The following PIK3C2G variants were observed in gnomAD, a reference collection of about 807,000 sequenced individuals.
PIK3C2G encodes phosphatidylinositol 3-kinase C2 domain-containing subunit gamma.
In PIK3C2G, 168 loss-of-function variants were observed where a neutral mutation model predicts 181.1. That is an observed-to-expected ratio of 0.93 (90% CI 0.82 to 1.05). PIK3C2G has a LOEUF of 1.05. PIK3C2G is among the 50% of genes least tolerant of loss of function. The probability of loss-of-function intolerance (pLI) is 0.00; values close to 1 mark genes in which losing one functional copy is unlikely to be tolerated. For missense variants in PIK3C2G, 1,869 were observed against 1,732.8 expected (o/e 1.08, Z -1.40); for synonymous variants, 573 against 592.2 (o/e 0.97, Z 0.47).
chr12:18,648,803 C>A (rs1591779626), downstream of PIK3C2G, among the ~76,000 whole-genome samples: 1 of 152,144 alleles, frequency 6.6e-6, no homozygotes, highest in Non-Finnish European at 1.5e-5. Context: ...AACAATCCCA[C>A]AGATTTCCAC....
At chr12:18,657,639 A>T in the PIK3C2G span, among the ~76,000 whole-genome samples, 3 of 152,218 alleles carry the variant, frequency 2.0e-5, no homozygotes, top group Admixed American at 1.3e-4. Flanking sequence ...TACATACTTT[A>T]AAAAATCAGT....
the PIK3C2G span, chr12:18,693,483 C>G: frequency 6.2e-7 from 1 of 1,608,508 alleles, no homozygotes; most frequent in African/African-American, 1.3e-5. Context: ...ACCTTGTTAG[C>G]CAAAGCAGTA....
the PIK3C2G span, among the ~76,000 whole-genome samples, chr12:18,656,739 A>G: frequency 1.3e-4 from 9 of 69,676 alleles, no homozygotes; most frequent in African/African-American, 5.7e-4. Flanking sequence ...TGTCTCAAAC[A>G]ACAGCAACAA....
chr12:18,625,828 T>C (rs891346307), intron 31 of PIK3C2G, among the ~76,000 whole-genome samples: 1 of 151,880 alleles, frequency 6.6e-6, no homozygotes, highest in Admixed American at 6.6e-5. Context: ...CTGATATAAG[T>C]ATTGCTACCC....
At chr12:18,361,154 G>T (rs1054457523) in intron 11 of PIK3C2G, among the ~76,000 whole-genome samples, 1 of 152,010 alleles carries the variant, frequency 6.6e-6, no homozygotes, top group Non-Finnish European at 1.5e-5. Flanking sequence ...CTGTCTTCAA[G>T]TTCACTGATT....
intron 5 of PIK3C2G, among the ~76,000 whole-genome samples, chr12:18,307,656 C>T (rs1305259100): frequency 6.6e-6 from 1 of 151,816 alleles, no homozygotes; most frequent in Non-Finnish European, 1.5e-5. Flanking sequence ...GGTATGGTAA[C>T]CTTTCTTCTT....
intron 14 of PIK3C2G, among the ~76,000 whole-genome samples, chr12:18,382,146 A>G (rs1229738159): frequency 1.3e-5 from 2 of 152,246 alleles, no homozygotes; most frequent in African/African-American, 4.8e-5. Flanking sequence ...TGCCATTAGT[A>G]TACTCATTAT....
chr12:18,450,170 G>A (rs545743723), intron 18 of PIK3C2G, among the ~76,000 whole-genome samples: 19 of 151,958 alleles, frequency 1.3e-4, no homozygotes, highest in South Asian at 6.2e-4. Flanking sequence ...ATTATTGCCC[G>A]GACTGCAGTG....
upstream of PIK3C2G, among the ~76,000 whole-genome samples, chr12:18,244,488 G>A (rs1948019283): frequency 6.6e-6 from 1 of 151,984 alleles, no homozygotes; most frequent in Non-Finnish European, 1.5e-5. Context: ...AGAATTCTGA[G>A]CTTATCTCAT....
At chr12:18,638,079 A>G (rs952354523) in intron 31 of PIK3C2G, among the ~76,000 whole-genome samples, 13 of 152,230 alleles carry the variant, frequency 8.5e-5, no homozygotes, top group South Asian at 2.1e-4. Context: ...TGTAAGAATT[A>G]GAAAACTCAA....
At chr12:18,314,094 G>A (rs2137407199) in intron 6 of PIK3C2G, 30 bp downstream of exon 6, 1 of 1,148,326 alleles carries the variant, frequency 8.7e-7, no homozygotes, top group South Asian at 1.4e-5. Context: ...GGTTTCAATT[G>A]GCAAACTGAC....
chr12:18,565,340 A>C (rs1427373418), intron 28 of PIK3C2G, among the ~76,000 whole-genome samples: 1 of 152,174 alleles, frequency 6.6e-6, no homozygotes, highest in Non-Finnish European at 1.5e-5. Context: ...CCAGGGGTAC[A>C]CGACATGAAA....
chr12:18,554,974 GA>G (rs1944927693), intron 26 of PIK3C2G, among the ~76,000 whole-genome samples: 1 of 152,114 alleles, frequency 6.6e-6, no homozygotes, highest in East Asian at 1.9e-4. Context: ...AGATTTAGAT[GA>G]AGAAATTTGT....
chr12:18,406,576 C>T (rs1182231754), intron 16 of PIK3C2G, among the ~76,000 whole-genome samples: 1 of 151,992 alleles, frequency 6.6e-6, no homozygotes, highest in African/African-American at 2.4e-5. Flanking sequence ...GTTTGTATCC[C>T]TTTTTAAATA....
At chr12:18,725,151 C>T in the PIK3C2G span, among the ~76,000 whole-genome samples, 1 of 151,970 alleles carries the variant, frequency 6.6e-6, no homozygotes, top group African/African-American at 2.4e-5. Flanking sequence ...GAAAACCACA[C>T]AGAATAGTGA....
chr12:18,446,648 A>G (rs1296386510), intron 18 of PIK3C2G, among the ~76,000 whole-genome samples: 1 of 152,190 alleles, frequency 6.6e-6, no homozygotes. Flanking sequence ...TGGAGGAAGC[A>G]GCTATTGTTG....
At chr12:18,607,502 GA>G (rs1340522163) in intron 30 of PIK3C2G, among the ~76,000 whole-genome samples, 5 of 152,122 alleles carry the variant, frequency 3.3e-5, no homozygotes, top group Non-Finnish European at 7.4e-5. Context: ...GCCATATGTA[GA>G]AAGCTGAAAC....
At chr12:18,671,909 AC>A in the PIK3C2G span, among the ~76,000 whole-genome samples, 1 of 152,054 alleles carries the variant, frequency 6.6e-6, no homozygotes, top group Non-Finnish European at 1.5e-5. Flanking sequence ...CATATATAGC[AC>A]CTTTTCATGA....
Position 18,578,065 on chromosome 12 carries a change from C to T in PIK3C2G, c.4011+11008C>T, listed in dbSNP as rs551648737. On this transcript the variant is annotated intron_variant, in intron 29 of 32. Coordinates refer to ENST00000538779, the MANE Select transcript of PIK3C2G (RefSeq NM_001288772.2). Reference sequence around the variant, plus strand: ...AAGGTTTTAAAGGGATTGTTCAGAGCCCCATCCTTAAACATGCTGGTTCTA... The same window carrying T: ...AAGGTTTTAAAGGGATTGTTCAGAGTCCCATCCTTAAACATGCTGGTTCTA... Among the ~76,000 whole-genome samples, 4 of 152,222 alleles carry T rather than the reference C, an allele frequency of 2.6e-5. No homozygotes were observed. In the South Asian group the frequency reaches 8.3e-4, roughly 32 times the overall value.
Sources: allele counts gnomAD v4.1 joint callset (sites outside exome capture counted in the v4.1 genomes callset), GRCh38; gene constraint gnomAD v4.1.1; transcripts MANE v1.5; gene names NCBI Gene and HGNC (gene_info 2026-07-23, HGNC 2026-07-21).